Variants in RFX3 observed in about 807,000 individuals in gnomAD.
The protein encoded by RFX3 is transcription factor RFX3.
RFX3 carries 14 observed loss-of-function variants against 98.6 expected under a neutral mutation model. The ratio of observed to expected loss-of-function variants is 0.14; its 90% CI spans 0.09 to 0.22. The LOEUF is 0.22. Among genes scored for constraint, RFX3 ranks in the 10% least tolerant of loss-of-function variants. The probability of loss-of-function intolerance (pLI) is 1.00; values close to 1 mark genes in which losing one functional copy is unlikely to be tolerated. For synonymous variants in RFX3, 383 were observed against 328.4 expected (o/e 1.17, Z -1.80); for missense variants, 639 against 926.9 (o/e 0.69, Z 4.03).
intron 9 of RFX3, among the ~76,000 whole-genome samples, chr9:3,274,549 C>A (rs1288292062): frequency 6.6e-6 from 1 of 152,124 alleles, no homozygotes; most frequent in African/African-American, 2.4e-5. Flanking sequence ...GTGGGATACT[C>A]AGAACGAGAG....
chr9:3,470,413 C>A (rs1158032671), intron 1 of RFX3, among the ~76,000 whole-genome samples: 1 of 151,174 alleles, frequency 6.6e-6, no homozygotes, highest in Non-Finnish European at 1.5e-5. Flanking sequence ...CTACCGGGTT[C>A]ACGCCATTCT....
At chr9:3,270,827 C>G (rs1824329497) in intron 10 of RFX3, 176 bp downstream of exon 10, 1 of 842,672 alleles carries the variant, frequency 1.2e-6, no homozygotes, top group Non-Finnish European at 1.8e-6. Context: ...GAGCTATATA[C>G]ACACACTGAA....
At chr9:3,392,644 T>G (rs1168777485) in intron 2 of RFX3, among the ~76,000 whole-genome samples, 1 of 152,098 alleles carries the variant, frequency 6.6e-6, no homozygotes, top group Non-Finnish European at 1.5e-5. Flanking sequence ...TCTAGTACAG[T>G]ATTTGAAAAT....
intron 1 of RFX3, among the ~76,000 whole-genome samples, chr9:3,400,460 C>G (rs1348486642): frequency 6.6e-6 from 1 of 152,188 alleles, no homozygotes; most frequent in African/African-American, 2.4e-5. Flanking sequence ...CAAGTATCAA[C>G]CAAGTCCTAG....
chr9:3,229,525 C>A (rs116614221), intron 15 of RFX3, among the ~76,000 whole-genome samples: 3 of 152,180 alleles, frequency 2.0e-5, no homozygotes, highest in Non-Finnish European at 4.4e-5. Context: ...TAATAGCCTT[C>A]GGCTTAGACA....
At chr9:3,321,982 ACTAGT>A (rs1831377401) in intron 4 of RFX3, among the ~76,000 whole-genome samples, 1 of 152,066 alleles carries the variant, frequency 6.6e-6, no homozygotes, top group African/African-American at 2.4e-5. Flanking sequence ...TCTTTCATTT[ACTAGT>A]CTATTCATGT....
At chr9:3,307,256 A>G (rs2986695) in intron 4 of RFX3, among the ~76,000 whole-genome samples, 24,201 of 152,118 alleles carry the variant, frequency 0.16, 2,388 homozygotes, top group African/African-American at 0.28. Flanking sequence ...ACAATTGGCC[A>G]AATGATAAGG....
In RFX3 at chr9:3,330,265, T is replaced by C; in HGVS notation, c.468A>G (p.Pro156=). 6.2e-7 allele frequency: 1 copy of C among 1,614,102 alleles called. No individual in the cohort carries two copies. The highest frequency in any genetic ancestry group is 8.5e-7 in the Non-Finnish European group (1 of 1,179,984). ...HSVTHTTRAS[P]ATIEMAIETL... ...TAAAAATTCAAATACTTACTGTCGC[T>C]GGGGAGGCCCGAGTTGTGTGTGTCA... Residue 156 remains proline, a synonymous_variant, in exon 4 of 17, where the codon CCA becomes CCG. Coordinates refer to ENST00000617270, the MANE Select transcript of RFX3 (RefSeq NM_001282116.2).
intron 1 of RFX3, among the ~76,000 whole-genome samples, chr9:3,503,999 TC>T (rs1217289589): frequency 6.6e-6 from 1 of 151,300 alleles, no homozygotes; most frequent in East Asian, 1.9e-4. Context: ...TTTAAGTGTT[TC>T]CAAAGAGCCT....
At chr9:3,283,402 A>G (rs185672148) in intron 7 of RFX3, among the ~76,000 whole-genome samples, 2 of 151,744 alleles carry the variant, frequency 1.3e-5, no homozygotes, top group East Asian at 3.9e-4. Flanking sequence ...ATGAATTTCT[A>G]TTTTGCAGAT....
intron 15 of RFX3, among the ~76,000 whole-genome samples, chr9:3,235,014 G>C (rs1397354128): frequency 6.6e-6 from 1 of 152,206 alleles, no homozygotes; most frequent in Admixed American, 6.5e-5. Context: ...CTTTCGCTGG[G>C]TACTTGCATA....
intron 6 of RFX3, among the ~76,000 whole-genome samples, chr9:3,291,970 T>TCATTTGAACCTGCGAGGCAGAGGTTG (rs1219352832): frequency 2.4e-3 from 334 of 139,666 alleles, no homozygotes; most frequent in Non-Finnish European, 4.2e-3. Flanking sequence ...GGCAGGAGAA[T>TCATTTGAACCTGCGAGGCAGAGGTTG]CATTTGAACC....
At chr9:3,319,285 G>C (rs1563919806) in intron 4 of RFX3, among the ~76,000 whole-genome samples, 1 of 152,154 alleles carries the variant, frequency 6.6e-6, no homozygotes, top group Non-Finnish European at 1.5e-5. Context: ...GTGAGATCCA[G>C]AGATGTGTTT....
At position 3,525,915 on chromosome 9, in the gene RFX3, A is replaced by C; in HGVS notation, c.-177T>G. ...CTTGATTCACAAGGCAACGGTTGCT[A>C]TAACTCACAAAAGAGAGAGAGAGAG... On this transcript the variant is annotated 5_prime_UTR_variant, in exon 1 of 17. Coordinates refer to ENST00000617270, the MANE Select transcript of RFX3 (RefSeq NM_001282116.2). The C allele has an allele frequency of 1.0e-6, 1 of 982,970 alleles. No homozygotes were observed. Among genetic ancestry groups the C allele is most frequent in the Non-Finnish European group, 1.2e-6 (1 of 828,462 alleles). The allele number at this position is 982,970 out of a possible 1,614,324, so 60.9% of individuals were successfully genotyped here.
chr9:3,437,653 C>T (rs556658296), intron 1 of RFX3, among the ~76,000 whole-genome samples: 1 of 152,038 alleles, frequency 6.6e-6, no homozygotes, highest in East Asian at 1.9e-4. Context: ...ACATAGACTT[C>T]GTTCCACCCT....
chr9:3,282,354 C>A (rs1370910668), intron 7 of RFX3, among the ~76,000 whole-genome samples: 1 of 151,776 alleles, frequency 6.6e-6, no homozygotes, highest in African/African-American at 2.4e-5. Context: ...TCCATCTCTT[C>A]CATTCTTGTT....
intron 1 of RFX3, among the ~76,000 whole-genome samples, chr9:3,517,511 A>C (rs1188246481): frequency 6.6e-6 from 1 of 152,130 alleles, no homozygotes; most frequent in South Asian, 2.1e-4. Flanking sequence ...ATTTTTGCCT[A>C]AACAGGAATT....
chr9:3,345,244 G>C (rs966758374), intron 3 of RFX3, among the ~76,000 whole-genome samples: 5 of 152,134 alleles, frequency 3.3e-5, no homozygotes, highest in African/African-American at 1.2e-4. Flanking sequence ...GGGAGGAAAG[G>C]AGAGAAGACA....
intron 1 of RFX3, among the ~76,000 whole-genome samples, chr9:3,449,408 G>A (rs1846361453): frequency 6.6e-6 from 1 of 152,146 alleles, no homozygotes; most frequent in Non-Finnish European, 1.5e-5. Context: ...TTATTTATTA[G>A]AGATGGTTTC....
Sources: allele counts gnomAD v4.1 joint callset (sites outside exome capture counted in the v4.1 genomes callset), GRCh38; gene constraint gnomAD v4.1.1; transcripts MANE v1.5; gene names NCBI Gene and HGNC (gene_info 2026-07-23, HGNC 2026-07-21).